The following KCNC2 variants were observed in gnomAD, a reference collection of about 807,000 sequenced individuals.
KCNC2 encodes the protein voltage-gated potassium channel KCNC2.
KCNC2 carries 21 observed loss-of-function variants against 44.5 expected under a neutral mutation model. The ratio of observed to expected loss-of-function variants is 0.47; its 90% CI spans 0.33 to 0.68. KCNC2 has a LOEUF of 0.68. Ranked by LOEUF, KCNC2 falls within the 30% of genes least tolerant of loss-of-function variation. The pLI is 0.01. For missense variants in KCNC2, 589 were observed against 826.2 expected, an observed-to-expected ratio of 0.71 and a Z score of 3.52; for synonymous variants, 391 against 339.1, an observed-to-expected ratio of 1.15 and a Z score of -1.68.
intron 2 of KCNC2, among the ~76,000 whole-genome samples, chr12:75,102,768 T>C (rs543769843): frequency 4.7e-4 from 71 of 152,176 alleles, no homozygotes; most frequent in African/African-American, 1.6e-3. Context: ...TAGTGAGCTT[T>C]GAGTGGGCTT....
In KCNC2 at chr12:75,207,472, G is replaced by A; in HGVS notation, c.512C>T (p.Thr171Ile). ...GGGGTCGCCGCCAATGAGGTCGGGG[G>A]TCTCGAAGATGTCCAGCGCCTCCTC... The part of the protein sequence containing the change: ...DAEEALDIFE[T>I]PDLIGGDPGD... The change falls in exon 2 of 5, where the codon ACC becomes ATC. Residue 171 changes from threonine to isoleucine, a missense_variant. Transcript: ENST00000549446. The surrounding 1 kb of genome is among the most constrained non-coding windows in gnomAD (Gnocchi z 4.1). 1 of 1,612,492 alleles carries A rather than the reference G, an allele frequency of 6.2e-7. No homozygotes were observed. Among genetic ancestry groups the A allele is most frequent in the Non-Finnish European group, 8.5e-7 (1 of 1,179,758 alleles).
chr12:75,075,803 T>A (rs935434705), intron 2 of KCNC2, among the ~76,000 whole-genome samples: 1 of 152,102 alleles, frequency 6.6e-6, no homozygotes, highest in Non-Finnish European at 1.5e-5. Context: ...AGGTGTAGGA[T>A]CTTTTCAAGA....
At chr12:75,084,151 G>T (rs1220508024) in intron 2 of KCNC2, among the ~76,000 whole-genome samples, 1 of 151,852 alleles carries the variant, frequency 6.6e-6, no homozygotes, top group Non-Finnish European at 1.5e-5. Context: ...TATCCCAAAA[G>T]TATCTAAGGA....
intron 2 of KCNC2, among the ~76,000 whole-genome samples, chr12:75,097,180 T>C (rs1486212773): frequency 6.6e-6 from 1 of 152,184 alleles, no homozygotes; most frequent in East Asian, 1.9e-4. Flanking sequence ...ACCCTAACCA[T>C]ATGAAGTCAT....
In KCNC2 at chr12:75,048,310, T is replaced by C. The variant is rs563747648; in HGVS notation, c.1623A>G (p.Ser541=). 1.2e-6 allele frequency: 2 copies of C among 1,609,556 alleles called. No individual in the cohort carries two copies. The highest frequency in any genetic ancestry group is 1.3e-5 in the African/African-American group (1 of 74,746). Residue 541 remains serine, a synonymous_variant, in exon 4 of 5, where the codon TCA becomes TCG. Coordinates refer to ENST00000549446, the MANE Select transcript of KCNC2 (RefSeq NM_139137.4). ...GCTCACTTCCTGTACTGTCGTCACC[T>C]GATAACACTGGTCACAGCACCATGC... ...RLLEHNRSVL[S]GDDSTGSEPP...
At chr12:75,108,043 G>T (rs1886930839) in intron 2 of KCNC2, among the ~76,000 whole-genome samples, 1 of 152,166 alleles carries the variant, frequency 6.6e-6, no homozygotes, top group South Asian at 2.1e-4. Context: ...ACCTTTGGGA[G>T]CTGGCACATT....
At chr12:75,144,852 A>G (rs1403772346) in intron 2 of KCNC2, among the ~76,000 whole-genome samples, 1 of 152,142 alleles carries the variant, frequency 6.6e-6, no homozygotes, top group Non-Finnish European at 1.5e-5. Context: ...TTATATCACC[A>G]AGACTCAGGA....
At chr12:75,181,086 GAGAAAAGTA>G (rs1892541060) in intron 2 of KCNC2, among the ~76,000 whole-genome samples, 1 of 151,980 alleles carries the variant, frequency 6.6e-6, no homozygotes, top group African/African-American at 2.4e-5. Context: ...TCTCTAAGCA[GAGAAAAGTA>G]AGAAGCTTGA....
At chr12:75,062,784 A>G (rs1370960581) in intron 2 of KCNC2, among the ~76,000 whole-genome samples, 1 of 152,060 alleles carries the variant, frequency 6.6e-6, no homozygotes, top group African/African-American at 2.4e-5. Flanking sequence ...TTAAATATTT[A>G]ATGGAGTCAG....
intron 2 of KCNC2, among the ~76,000 whole-genome samples, chr12:75,201,261 G>GAAAAAAAAAAAAAAAAA (rs2031223685): frequency 5.0e-5 from 1 of 19,910 alleles, no homozygotes; most frequent in Non-Finnish European, 9.4e-5. Context: ...AAACGAAATT[G>GAAAAAAAAAAAAAAAAA]GAAAAAAAAA....
In KCNC2 at chr12:75,040,274, T is replaced by C. The variant is rs1052665911; in HGVS notation, c.*2831A>G. The C allele has an allele frequency of 1.3e-5, 2 of 152,018 alleles. No homozygotes were observed. Among genetic ancestry groups the C allele is most frequent in the African/African-American group, 4.8e-5 (2 of 41,426 alleles). The allele number at this position is 152,018 out of a possible 1,614,324, so 9.4% of individuals were successfully genotyped here. A position where few individuals can be genotyped will look rare whatever the true frequency, so the allele number is the denominator to read the frequency against. ...ATATTCAGAATCCCAGGGGAACTAATAGACTCTGAAAATATTGATTAAGCA... is the reference window on the plus strand; with the variant it reads ...ATATTCAGAATCCCAGGGGAACTAACAGACTCTGAAAATATTGATTAAGCA... On this transcript the variant is annotated 3_prime_UTR_variant, in exon 5 of 5. Transcript: ENST00000549446.
At chr12:75,049,851 G>A (rs1400586759) in intron 3 of KCNC2, among the ~76,000 whole-genome samples, 1 of 152,086 alleles carries the variant, frequency 6.6e-6, no homozygotes, top group Non-Finnish European at 1.5e-5. Flanking sequence ...CTAGGGAAGA[G>A]CTTTGTTATC....
Position 75,050,461 on chromosome 12 carries a change from A to G in KCNC2, c.1544T>C (p.Met515Thr), listed in dbSNP as rs1242647479. 5.0e-6 allele frequency: 8 copies of G among 1,613,544 alleles called. No individual in the cohort carries two copies. Among genetic ancestry groups the G allele is most frequent in the African/African-American group, 2.7e-5 (2 of 74,862 alleles). ...GTCACTCTGTGTACTATTGCAGGCCATATTTAATTCTGTCTTGCAAAAAGT... is the reference window on the plus strand; with the variant it reads ...GTCACTCTGTGTACTATTGCAGGCCGTATTTAATTCTGTCTTGCAAAAAGT... ...SPTFCKTELN[M>T]ACNSTQSDTC... is the part of the protein sequence containing the mutation. The change falls in exon 3 of 5, where the codon ATG becomes ACG. Residue 515 changes from methionine to threonine, a missense_variant. Transcript: ENST00000549446.
chr12:75,165,202 G>A (rs1891367808), intron 2 of KCNC2, among the ~76,000 whole-genome samples: 2 of 151,270 alleles, frequency 1.3e-5, no homozygotes, highest in Admixed American at 6.6e-5. Context: ...GCTCTTTTGT[G>A]TATTTTATGT....
intron 2 of KCNC2, among the ~76,000 whole-genome samples, chr12:75,071,647 T>TCTTGA (rs1883411440): frequency 6.6e-6 from 1 of 152,078 alleles, no homozygotes; most frequent in Non-Finnish European, 1.5e-5. Flanking sequence ...AACAACTAAC[T>TCTTGA]CTTGACGGAA....
chr12:75,122,996 CTG>C (rs1373665290), intron 2 of KCNC2, among the ~76,000 whole-genome samples: 1 of 151,954 alleles, frequency 6.6e-6, no homozygotes, highest in African/African-American at 2.4e-5. Context: ...GAAATAAAAT[CTG>C]TATCTAACCA....
intron 2 of KCNC2, among the ~76,000 whole-genome samples, chr12:75,080,234 T>C (rs1288657982): frequency 2.0e-5 from 3 of 152,142 alleles, no homozygotes; most frequent in Non-Finnish European, 4.4e-5. Flanking sequence ...GTAATTAAAA[T>C]AACTTGCTAA....
chr12:75,105,325 C>A (rs768759585), intron 2 of KCNC2, among the ~76,000 whole-genome samples: 1 of 152,036 alleles, frequency 6.6e-6, no homozygotes, highest in Admixed American at 6.6e-5. Context: ...AGTAAGAAGT[C>A]CAGTGTGTCA....
In KCNC2 at chr12:75,204,451, G is replaced by A. The variant is rs541984539; in HGVS notation, c.687+2846C>T. Among the ~76,000 whole-genome samples the A allele has an allele frequency of 1.3e-4, 19 of 151,976 alleles. No homozygotes were observed. In the East Asian group the frequency reaches 3.1e-3, roughly 25 times the overall value. On this transcript the variant is annotated intron_variant, in intron 2 of 4. Coordinates refer to ENST00000549446, the MANE Select transcript of KCNC2 (RefSeq NM_139137.4). ...AACTGATCCAATCCTTTCAATATTGGAGAAAAAAGAAAATTGTGAAACAGG... is the reference window on the plus strand; with the variant it reads ...AACTGATCCAATCCTTTCAATATTGAAGAAAAAAGAAAATTGTGAAACAGG...
Sources: gnomAD v4.1 joint callset for allele counts (sites outside exome capture counted in the v4.1 genomes callset) on GRCh38, gnomAD v4.1.1 for gene constraint, Gnocchi (gnomAD v3.1) non-coding constraint, MANE v1.5 for transcripts, NCBI Gene and HGNC (gene_info 2026-07-23, HGNC 2026-07-21) for gene names.